RALA: variants seen among roughly 807,000 people sequenced by gnomAD.
The protein encoded by RALA is RAS like proto-oncogene A.
In RALA, 5 loss-of-function variants were observed where a neutral mutation model predicts 24.0. The observed-to-expected ratio is 0.21, with a 90% CI of 0.11 to 0.44. The LOEUF (loss-of-function observed/expected upper bound fraction) is 0.44. Ranked by LOEUF, RALA falls within the 20% of genes least tolerant of loss-of-function variation. RALA has a pLI of 0.99. For synonymous variants in RALA, 77 were observed against 83.8 expected (o/e 0.92, Z 0.44); for missense variants, 95 against 241.2 (o/e 0.39, Z 4.01).
intron 1 of RALA, among the ~76,000 whole-genome samples, chr7:39,668,821 AAAGAT>A (rs1443289881): frequency 2.0e-5 from 3 of 151,038 alleles, no homozygotes; most frequent in African/African-American, 4.9e-5. Flanking sequence ...AAAGAAAAGA[AAAGAT>A]AAAGTAAGGC....
At chr7:39,670,036 A>G (rs1239486816) in intron 1 of RALA, among the ~76,000 whole-genome samples, 1 of 152,240 alleles carries the variant, frequency 6.6e-6, no homozygotes, top group African/African-American at 2.4e-5. Context: ...TCAAACTACC[A>G]GGCTATATAT....
intron 1 of RALA, among the ~76,000 whole-genome samples, chr7:39,673,766 G>A (rs1289048190): frequency 6.6e-6 from 1 of 151,958 alleles, no homozygotes. Context: ...AGTGATGCTA[G>A]CAGCCACCCT....
intron 1 of RALA, among the ~76,000 whole-genome samples, chr7:39,642,935 C>T (rs1318703856): frequency 6.6e-6 from 1 of 152,192 alleles, no homozygotes; most frequent in Non-Finnish European, 1.5e-5. Flanking sequence ...AGTTTCTAAC[C>T]ATCCTGATGG....
intron 1 of RALA, among the ~76,000 whole-genome samples, chr7:39,659,349 T>G (rs1006417558): frequency 6.6e-6 from 1 of 152,086 alleles, no homozygotes; most frequent in African/African-American, 2.4e-5. Context: ...GGAAGAAAAA[T>G]ATAAGTGCTA....
At chr7:39,657,444 A>T (rs1285108419) in intron 1 of RALA, among the ~76,000 whole-genome samples, 3 of 152,248 alleles carry the variant, frequency 2.0e-5, no homozygotes, top group Non-Finnish European at 4.4e-5. Context: ...ACTTCTAGGT[A>T]AACATAAAAG....
At chr7:39,669,580 G>A (rs1792344572) in intron 1 of RALA, among the ~76,000 whole-genome samples, 1 of 152,082 alleles carries the variant, frequency 6.6e-6, no homozygotes, top group Non-Finnish European at 1.5e-5. Flanking sequence ...GGGAAGCCAA[G>A]GTGAGAAGTT....
intron 1 of RALA, among the ~76,000 whole-genome samples, chr7:39,627,807 T>A (rs1437428673): frequency 6.6e-6 from 1 of 152,230 alleles, no homozygotes; most frequent in African/African-American, 2.4e-5. Context: ...CTGATACTTT[T>A]CCCATTCTTG....
intron 1 of RALA, among the ~76,000 whole-genome samples, chr7:39,676,827 G>T (rs1270948954): frequency 6.6e-6 from 1 of 152,174 alleles, no homozygotes; most frequent in Non-Finnish European, 1.5e-5. Flanking sequence ...TTAGAGTCTG[G>T]ATTGGAGATC....
intron 1 of RALA, among the ~76,000 whole-genome samples, chr7:39,685,040 G>A (rs1311202683): frequency 6.6e-6 from 1 of 152,038 alleles, no homozygotes; most frequent in Non-Finnish European, 1.5e-5. Context: ...AGTAATTGCG[G>A]TTTTGCCATT....
At chr7:39,683,602 C>T (rs1028787003) in intron 1 of RALA, among the ~76,000 whole-genome samples, 3 of 152,074 alleles carry the variant, frequency 2.0e-5, no homozygotes, top group African/African-American at 7.2e-5. Context: ...GGTGGAGTGC[C>T]AAGTCTTTTA....
At chr7:39,660,850 A>G (rs543724749) in intron 1 of RALA, among the ~76,000 whole-genome samples, 1 of 152,370 alleles carries the variant, frequency 6.6e-6, no homozygotes, top group South Asian at 2.1e-4. Flanking sequence ...TATCAGGTAC[A>G]CAAATCTTAT....
At chr7:39,697,590 A>G (rs541520448) in intron 4 of RALA, 109 of 338,268 alleles carry the variant, frequency 3.2e-4, no homozygotes, top group Non-Finnish European at 5.0e-4. Context: ...GTGCCTCTCA[A>G]GCTCCAATAG....
chr7:39,639,432 G>A (rs569571233), intron 1 of RALA, among the ~76,000 whole-genome samples: 2 of 152,248 alleles, frequency 1.3e-5, no homozygotes, highest in East Asian at 1.9e-4. Context: ...ATGTGCGCAC[G>A]TAGTCCCAGC....
intron 1 of RALA, among the ~76,000 whole-genome samples, chr7:39,679,986 A>G (rs1583743141): frequency 6.6e-6 from 1 of 151,438 alleles, no homozygotes; most frequent in Admixed American, 6.6e-5. Flanking sequence ...GGCGTGAGCC[A>G]CCGCGCCTGG....
intron 3 of RALA, among the ~76,000 whole-genome samples, chr7:39,694,276 A>T (rs576887659): frequency 1.6e-4 from 25 of 152,310 alleles, no homozygotes; most frequent in African/African-American, 3.4e-4. Flanking sequence ...GACTTTTTTT[A>T]AAAAAGTGAC....
intron 1 of RALA, among the ~76,000 whole-genome samples, chr7:39,642,504 G>T (rs1041915667): frequency 8.5e-5 from 13 of 152,078 alleles, no homozygotes; most frequent in Non-Finnish European, 2.9e-5. Flanking sequence ...TCTCTCAGTT[G>T]TCTTCATCTA....
chr7:39,693,808 G>A (rs550869171), intron 3 of RALA, among the ~76,000 whole-genome samples: 19 of 152,280 alleles, frequency 1.2e-4, no homozygotes, highest in East Asian at 9.7e-4. Flanking sequence ...CCCAGATACC[G>A]TGCTTGTTTG....
intron 1 of RALA, among the ~76,000 whole-genome samples, chr7:39,679,194 A>G (rs1443848441): frequency 3.2e-4 from 48 of 152,190 alleles, no homozygotes; most frequent in Non-Finnish European, 8.8e-5. Flanking sequence ...TCCACCAGCA[A>G]TCATTGAATA....
At chr7:39,667,627 A>G (rs1352576762) in intron 1 of RALA, among the ~76,000 whole-genome samples, 1 of 152,248 alleles carries the variant, frequency 6.6e-6, no homozygotes, top group African/African-American at 2.4e-5. Context: ...AGGACTTGCT[A>G]TTAATTAAAG....
Sources: allele counts gnomAD v4.1 joint callset (sites outside exome capture counted in the v4.1 genomes callset), GRCh38; gene constraint gnomAD v4.1.1; transcripts MANE v1.5; gene names NCBI Gene and HGNC (gene_info 2026-07-23, HGNC 2026-07-21).